The following CACNA1D variants were observed in gnomAD, a reference collection of about 807,000 sequenced individuals.
CACNA1D encodes calcium voltage-gated channel subunit alpha1 D.
A neutral mutation model predicts 257.1 loss-of-function variants in CACNA1D; 55 were observed. The observed-to-expected ratio is 0.21, with a 90% CI of 0.17 to 0.27. The LOEUF (loss-of-function observed/expected upper bound fraction) is 0.27, where lower values mean the gene tolerates loss of function less well. CACNA1D is among the 10% of genes least tolerant of loss of function. CACNA1D has a pLI of 1.00. For missense variants in CACNA1D, 1,876 were observed against 2,784.0 expected (o/e 0.67, Z 7.34); for synonymous variants, 980 against 1,014.9 (o/e 0.97, Z 0.65).
intron 3 of CACNA1D, among the ~76,000 whole-genome samples, chr3:53,630,567 C>A (rs1015835200): frequency 1.3e-5 from 2 of 152,230 alleles, no homozygotes; most frequent in Non-Finnish European, 2.9e-5. Context: ...AACAGCTCAA[C>A]TCTTGGGGAA....
At chr3:53,632,742 C>G (rs1576166563) in intron 3 of CACNA1D, among the ~76,000 whole-genome samples, 1 of 152,040 alleles carries the variant, frequency 6.6e-6, no homozygotes, top group African/African-American at 2.4e-5. Flanking sequence ...ATATGGAAGC[C>G]CAAGGACAGA....
chr3:53,702,917 T>C, intron 9 of CACNA1D, 107 bp downstream of exon 9: 1 of 1,192,450 alleles, frequency 8.4e-7, no homozygotes, highest in South Asian at 1.3e-5. Context: ...TGGGACAGCC[T>C]CCTCCCAGCC....
intron 3 of CACNA1D, among the ~76,000 whole-genome samples, chr3:53,642,994 G>C (rs1372038470): frequency 6.6e-6 from 1 of 152,154 alleles, no homozygotes; most frequent in East Asian, 1.9e-4. Context: ...CCATAACACT[G>C]GTGGGCAAGG....
chr3:53,571,267 G>A (rs571397012), intron 3 of CACNA1D, among the ~76,000 whole-genome samples: 34 of 152,350 alleles, frequency 2.2e-4, no homozygotes, highest in African/African-American at 7.7e-4. Flanking sequence ...CTCTGGTGAT[G>A]TGATTTGATT....
chr3:53,810,221 G>C lies in CACNA1D; in HGVS notation c.6115G>C (p.Ala2039Pro). ...CATCTCCTACCGGACTTTCACACCAGCCAGCCTGACTGTCCCCAGCAGCTT... is the reference window on the plus strand; with the variant it reads ...CATCTCCTACCGGACTTTCACACCACCCAGCCTGACTGTCCCCAGCAGCTT... ...PDISYRTFTP[A>P]SLTVPSSFRN... is the part of the protein sequence containing the mutation. Residue 2039 changes from alanine (A) to proline (P), a missense_variant, in exon 47 of 48, where the codon GCC becomes CCC. By Grantham distance (27) the Ala-to-Pro change is conservative. Transcript: ENST00000350061. 6.2e-7 allele frequency: 1 copy of C among 1,613,992 alleles called. No individual in the cohort carries two copies. Among genetic ancestry groups the C allele is most frequent in the South Asian group, 1.1e-5 (1 of 91,084 alleles).
At chr3:53,592,070 A>G (rs2093313222) in intron 3 of CACNA1D, among the ~76,000 whole-genome samples, 1 of 152,210 alleles carries the variant, frequency 6.6e-6, no homozygotes, top group Non-Finnish European at 1.5e-5. Context: ...ACAGTGTGAC[A>G]GGTGCTCATC....
At chr3:53,522,340 G>T (rs571149282) in intron 3 of CACNA1D, among the ~76,000 whole-genome samples, 40 of 152,248 alleles carry the variant, frequency 2.6e-4, no homozygotes, top group South Asian at 8.3e-4. Flanking sequence ...TGCTGCTCAG[G>T]CTTCTTCTTT....
chr3:53,654,770 A>G (rs1167447656), intron 4 of CACNA1D, among the ~76,000 whole-genome samples: 1 of 152,184 alleles, frequency 6.6e-6, no homozygotes, highest in African/African-American at 2.4e-5. Flanking sequence ...ACTTTATAGA[A>G]AATGTTTACT....
At chr3:53,792,225 A>G (rs532576537) in intron 40 of CACNA1D, 1 of 152,318 alleles carries the variant, frequency 6.6e-6, no homozygotes, top group East Asian at 1.9e-4. Context: ...TGCAGGTTGC[A>G]TTTTCACATC....
At chr3:53,516,783 C>G (rs1201841271) in intron 3 of CACNA1D, among the ~76,000 whole-genome samples, 1 of 152,150 alleles carries the variant, frequency 6.6e-6, no homozygotes, top group Non-Finnish European at 1.5e-5. Flanking sequence ...GGACGACAAG[C>G]CATACGGTAG....
chr3:53,752,142 G>A (rs2095231401), intron 28 of CACNA1D, among the ~76,000 whole-genome samples: 1 of 152,166 alleles, frequency 6.6e-6, no homozygotes, highest in African/African-American at 2.4e-5. Context: ...ACATTTCCAT[G>A]GAGCCTGGCA....
Position 53,800,023 on chromosome 3 carries a change from G to A in CACNA1D, c.4924-226G>A. On this transcript the variant is annotated intron_variant, in intron 40 of 47. Coordinates refer to ENST00000350061, the MANE Select transcript of CACNA1D (RefSeq NM_001128840.3). This position sits in a 1 kb window ranked among gnomAD's most constrained non-coding sequence, Gnocchi z 4.3. The stretch of plus-strand genomic sequence containing the variant: ...GGGGGTTTTGCAAAGGAGGTTACGG[G>A]GTTGCAGGCCTCAGGCATCCTACCT... 1 of 624,150 alleles carries A rather than the reference G, an allele frequency of 1.6e-6. No individual in the cohort carries two copies. The highest frequency in any genetic ancestry group is 2.9e-6 in the Non-Finnish European group (1 of 347,166). 38.7% of individuals were successfully genotyped at this position (624,150 alleles called of 1,614,324 possible).
chr3:53,496,334 A>T (rs1300454113), intron 1 of CACNA1D, among the ~76,000 whole-genome samples: 1 of 152,118 alleles, frequency 6.6e-6, no homozygotes. Context: ...ACCAACCTAC[A>T]CGGAGATAAT....
intron 9 of CACNA1D, among the ~76,000 whole-genome samples, chr3:53,715,939 C>T (rs2108666290): frequency 6.6e-6 from 1 of 152,286 alleles, no homozygotes; most frequent in Admixed American, 6.5e-5. Flanking sequence ...GCCAGAAATG[C>T]TAACTGATGA....
At chr3:53,652,411 A>G (rs1308701960) in intron 4 of CACNA1D, among the ~76,000 whole-genome samples, 1 of 152,168 alleles carries the variant, frequency 6.6e-6, no homozygotes, top group African/African-American at 2.4e-5. Context: ...GGAGGGAGCT[A>G]TTTAGAGAAA....
chr3:53,669,968 T>C (rs74283909), intron 7 of CACNA1D, among the ~76,000 whole-genome samples: 4,501 of 152,330 alleles, frequency 0.03, 90 homozygotes, highest in East Asian at 0.1. Flanking sequence ...AGAGGAAATT[T>C]TTTTTCCTTC....
At position 53,799,937 on chromosome 3, in the gene CACNA1D, G is replaced by A. The variant is rs531002622; in HGVS notation, c.4924-312G>A. The A allele has an allele frequency of 6.3e-4, 264 of 420,978 alleles. 4 individuals carry two copies. Among genetic ancestry groups the A allele is most frequent in the South Asian group, 5.4e-3 (254 of 46,836 alleles). 26.1% of individuals were successfully genotyped at this position (420,978 alleles called of 1,614,324 possible). A position where few individuals can be genotyped will look rare whatever the true frequency, so the allele number is the denominator to read the frequency against. ...TACTGAAGACTGTCACTGAGACAGG[G>A]GCATAAGCTCTTGGCCTGGCAGATC... On this transcript the variant is annotated intron_variant, in intron 40 of 47. Transcript: ENST00000350061.
chr3:53,764,006 A>G (rs1191342681), intron 30 of CACNA1D, among the ~76,000 whole-genome samples: 1 of 152,116 alleles, frequency 6.6e-6, no homozygotes, highest in Non-Finnish European at 1.5e-5. Flanking sequence ...TAATAAGTAA[A>G]ACAGACTGTC....
intron 3 of CACNA1D, among the ~76,000 whole-genome samples, chr3:53,547,397 T>C (rs994061854): frequency 6.6e-6 from 1 of 152,178 alleles, no homozygotes; most frequent in Non-Finnish European, 1.5e-5. Flanking sequence ...TAAAAAAATA[T>C]TATGGCGTCA....
Sources: allele counts gnomAD v4.1 joint callset (sites outside exome capture counted in the v4.1 genomes callset), GRCh38; gene constraint gnomAD v4.1.1; non-coding constraint Gnocchi (gnomAD v3.1); transcripts MANE v1.5; gene names NCBI Gene and HGNC (gene_info 2026-07-23, HGNC 2026-07-21).